The following CCDC146 variants were observed in gnomAD, a reference collection of about 807,000 sequenced individuals.
CCDC146 encodes coiled-coil domain containing 146.
In CCDC146, 92 loss-of-function variants were observed where a neutral mutation model predicts 119.3. The observed-to-expected ratio is 0.77, with a 90% CI of 0.65 to 0.92. The LOEUF is 0.92. Ranked by LOEUF, CCDC146 falls within the 40% of genes least tolerant of loss-of-function variation. The pLI, the probability that CCDC146 is intolerant of heterozygous loss-of-function variation, is 0.00. For missense variants in CCDC146, 1,000 were observed against 1,103.0 expected (o/e 0.91, Z 1.32); for synonymous variants, 372 against 371.8 (o/e 1.00, Z -0.01).
intron 2 of CCDC146, among the ~76,000 whole-genome samples, chr7:77,178,456 G>T (rs150897826): frequency 6.6e-6 from 1 of 152,096 alleles, no homozygotes; most frequent in Non-Finnish European, 1.5e-5. Flanking sequence ...GGAATGGGAG[G>T]AAAACGCAGC....
chr7:77,292,226 C>A (rs1793957119), intron 17 of CCDC146, among the ~76,000 whole-genome samples: 2 of 151,180 alleles, frequency 1.3e-5, no homozygotes, highest in African/African-American at 4.9e-5. Context: ...CCCCGGAGTT[C>A]CAGGCTGCAG....
At chr7:77,144,365 G>C (rs1790982756) in intron 1 of CCDC146, among the ~76,000 whole-genome samples, 1 of 151,770 alleles carries the variant, frequency 6.6e-6, no homozygotes, top group African/African-American at 2.4e-5. Context: ...TCTGCAAACA[G>C]AGACAATTTG....
At chr7:77,288,388 T>C (rs533760945) in intron 17 of CCDC146, among the ~76,000 whole-genome samples, 315 of 152,324 alleles carry the variant, frequency 2.1e-3, no homozygotes, top group African/African-American at 7.3e-3. Context: ...TGCCTGCAGG[T>C]CTTGCCAGGC....
intron 2 of CCDC146, among the ~76,000 whole-genome samples, chr7:77,230,227 T>C (rs1792598335): frequency 6.6e-6 from 1 of 152,216 alleles, no homozygotes; most frequent in South Asian, 2.1e-4. Flanking sequence ...TCTTTTTTTT[T>C]ACTATTATGA....
intron 1 of CCDC146, among the ~76,000 whole-genome samples, chr7:77,153,429 T>TC (rs560652664): frequency 6.9e-6 from 1 of 145,426 alleles, no homozygotes; most frequent in East Asian, 2.0e-4. Context: ...GACTTTTCTT[T>TC]TTTTTTTTTT....
chr7:77,153,162 G>A (rs1183047226), intron 1 of CCDC146, among the ~76,000 whole-genome samples: 1 of 152,160 alleles, frequency 6.6e-6, no homozygotes, highest in African/African-American at 2.4e-5. Context: ...GTGGAAGAAG[G>A]GAGGAACCTG....
intron 2 of CCDC146, among the ~76,000 whole-genome samples, chr7:77,181,687 T>C (rs1791592017): frequency 6.6e-6 from 1 of 152,212 alleles, no homozygotes; most frequent in South Asian, 2.1e-4. Flanking sequence ...ATTTAGAAAG[T>C]AGGCCTTTGT....
intron 9 of CCDC146, among the ~76,000 whole-genome samples, chr7:77,268,769 A>G (rs957546115): frequency 1.3e-5 from 2 of 152,254 alleles, no homozygotes; most frequent in Admixed American, 6.5e-5. Flanking sequence ...TTAATTGGAT[A>G]TGGAATTTTA....
At chr7:77,184,954 G>A (rs1283468299) in intron 2 of CCDC146, among the ~76,000 whole-genome samples, 1 of 152,116 alleles carries the variant, frequency 6.6e-6, no homozygotes, top group South Asian at 2.1e-4. Context: ...GTCATGGGGG[G>A]ATGAGACTGA....
intron 3 of CCDC146, 39 bp from the exon 4 acceptor site, chr7:77,241,652 T>C (rs1792852128): frequency 1.3e-6 from 2 of 1,576,310 alleles, no homozygotes; most frequent in East Asian, 4.5e-5. Context: ...AGGATGTACA[T>C]GTCTCATTAT....
chr7:77,281,725 A>C (rs987791933), intron 14 of CCDC146, among the ~76,000 whole-genome samples: 2 of 152,160 alleles, frequency 1.3e-5, no homozygotes, highest in Non-Finnish European at 2.9e-5. Flanking sequence ...GAGGAAGGGG[A>C]GTCATAGATA....
chr7:77,249,992 G>A (rs866343026), intron 4 of CCDC146, among the ~76,000 whole-genome samples: 42 of 151,792 alleles, frequency 2.8e-4, no homozygotes, highest in African/African-American at 9.7e-4. Context: ...TTTACTTTAA[G>A]TGGTTGCCAT....
intron 2 of CCDC146, among the ~76,000 whole-genome samples, chr7:77,170,262 G>A (rs1008232479): frequency 1.3e-5 from 2 of 152,216 alleles, no homozygotes. Context: ...ATTCACTCAG[G>A]ATTGTGGTCT....
chr7:77,196,950 A>G lies in CCDC146; in HGVS notation c.156+29126A>G. Reference sequence around the variant, plus strand: ...TCACTGCTTCTTTTGCCTATTGCGTAGTAGTCAGAGCAATCTTTATATATT... The same window carrying G: ...TCACTGCTTCTTTTGCCTATTGCGTGGTAGTCAGAGCAATCTTTATATATT... On this transcript the variant is annotated intron_variant, in intron 2 of 18. Transcript: ENST00000285871. The surrounding 1 kb of genome is among the most constrained non-coding windows in gnomAD (Gnocchi z 4.2). 1 of 1,611,756 alleles carries G rather than the reference A, an allele frequency of 6.2e-7. No homozygotes were observed. The highest frequency in any genetic ancestry group is 8.5e-7 in the Non-Finnish European group (1 of 1,178,868).
intron 2 of CCDC146, among the ~76,000 whole-genome samples, chr7:77,203,357 G>T (rs9641172): frequency 6.6e-6 from 1 of 151,496 alleles, no homozygotes; most frequent in Non-Finnish European, 1.5e-5. Context: ...CAGTACACTG[G>T]GTTTTAAGCA....
At chr7:77,128,431 A>G (rs1019008155) in intron 1 of CCDC146, among the ~76,000 whole-genome samples, 1 of 151,894 alleles carries the variant, frequency 6.6e-6, no homozygotes, top group Non-Finnish European at 1.5e-5. Context: ...AGAATAAAGT[A>G]TGAATAAAGT....
intron 1 of CCDC146, among the ~76,000 whole-genome samples, chr7:77,151,611 C>T (rs1276420841): frequency 6.6e-6 from 1 of 151,954 alleles, no homozygotes; most frequent in African/African-American, 2.4e-5. Flanking sequence ...AATTATACCT[C>T]AATAAAGCTG....
chr7:77,238,819 G>A (rs1435373904), intron 3 of CCDC146, among the ~76,000 whole-genome samples: 1 of 152,142 alleles, frequency 6.6e-6, no homozygotes, highest in African/African-American at 2.4e-5. Flanking sequence ...CTAATGACAA[G>A]TAGCAATGCA....
intron 2 of CCDC146, among the ~76,000 whole-genome samples, chr7:77,201,436 C>T (rs1791986389): frequency 6.6e-6 from 1 of 151,584 alleles, no homozygotes; most frequent in African/African-American, 2.4e-5. Context: ...TGCCTGTAAT[C>T]CCAGCTACTC....
Sources: gnomAD v4.1 joint callset for allele counts (sites outside exome capture counted in the v4.1 genomes callset) on GRCh38, gnomAD v4.1.1 for gene constraint, Gnocchi (gnomAD v3.1) non-coding constraint, MANE v1.5 for transcripts, NCBI Gene and HGNC (gene_info 2026-07-23, HGNC 2026-07-21) for gene names.